Variants in NCAM2 observed in about 807,000 individuals in gnomAD.
The protein encoded by NCAM2 is N-CAM-2.
NCAM2 carries 30 observed loss-of-function variants against 98.1 expected under a neutral mutation model. The ratio of observed to expected loss-of-function variants is 0.31; its 90% CI spans 0.23 to 0.41. The LOEUF (loss-of-function observed/expected upper bound fraction) is 0.41. Among genes scored for constraint, NCAM2 ranks in the 10% least tolerant of loss-of-function variants. NCAM2 has a pLI of 1.00. For synonymous variants in NCAM2, 368 were observed against 342.4 expected (o/e 1.07, Z -0.83); for missense variants, 867 against 1,005.8 (o/e 0.86, Z 1.87).
At chr21:21,114,003 A>G (rs1441791672) in intron 1 of NCAM2, among the ~76,000 whole-genome samples, 1 of 152,164 alleles carries the variant, frequency 6.6e-6, no homozygotes, top group Non-Finnish European at 1.5e-5. Flanking sequence ...ATCAATCATG[A>G]GTCATAATCA....
intron 1 of NCAM2, among the ~76,000 whole-genome samples, chr21:21,012,839 A>C (rs2064235464): frequency 6.6e-6 from 1 of 151,972 alleles, no homozygotes; most frequent in Non-Finnish European, 1.5e-5. Flanking sequence ...CAAACATTTT[A>C]TTATTATTAT....
intron 11 of NCAM2, among the ~76,000 whole-genome samples, chr21:21,429,575 A>G (rs1418430110): frequency 6.6e-6 from 1 of 152,204 alleles, no homozygotes; most frequent in Non-Finnish European, 1.5e-5. Context: ...TTTCTCCTAT[A>G]CTTTGGATCA....
At chr21:21,361,733 C>G (rs917138383) in intron 8 of NCAM2, among the ~76,000 whole-genome samples, 7 of 152,124 alleles carry the variant, frequency 4.6e-5, no homozygotes, top group African/African-American at 1.4e-4. Flanking sequence ...TTAAATAAAT[C>G]TTTCAAAGTT....
At chr21:21,285,067 A>G (rs1041816683) in intron 3 of NCAM2, among the ~76,000 whole-genome samples, 1 of 151,828 alleles carries the variant, frequency 6.6e-6, no homozygotes, top group Non-Finnish European at 1.5e-5. Context: ...TGAGCAAATC[A>G]TGTAACCTCT....
intron 1 of NCAM2, among the ~76,000 whole-genome samples, chr21:21,129,849 T>C (rs956497070): frequency 2.6e-5 from 4 of 152,224 alleles, no homozygotes. Flanking sequence ...TTCACGAGGA[T>C]CTGCTTATGC....
chr21:21,268,863 G>C (rs1176987363), intron 1 of NCAM2, among the ~76,000 whole-genome samples: 2 of 152,118 alleles, frequency 1.3e-5, no homozygotes, highest in Non-Finnish European at 2.9e-5. Flanking sequence ...ATCGAAAGTT[G>C]ATTCAGGCTA....
intron 11 of NCAM2, among the ~76,000 whole-genome samples, chr21:21,430,003 T>C (rs960172652): frequency 5.9e-5 from 9 of 152,062 alleles, no homozygotes; most frequent in Non-Finnish European, 1.3e-4. Context: ...CATTTGACTT[T>C]TGACTGCCAT....
intron 9 of NCAM2, among the ~76,000 whole-genome samples, chr21:21,384,885 T>C (rs1178910077): frequency 6.6e-6 from 1 of 152,088 alleles, no homozygotes; most frequent in East Asian, 1.9e-4. Context: ...GATATATGTC[T>C]ACATTTAGTG....
chr21:21,030,019 T>G (rs1568944596), intron 1 of NCAM2, among the ~76,000 whole-genome samples: 1 of 152,218 alleles, frequency 6.6e-6, no homozygotes, highest in Non-Finnish European at 1.5e-5. Flanking sequence ...GTTGAAATCA[T>G]ATTACATTCT....
intron 8 of NCAM2, among the ~76,000 whole-genome samples, chr21:21,367,432 C>G (rs1346295401): frequency 6.6e-6 from 1 of 151,698 alleles, no homozygotes; most frequent in African/African-American, 2.4e-5. Flanking sequence ...TGTATTTTGT[C>G]TTTTACTAAA....
chr21:21,411,788 T>TA lies in NCAM2; in HGVS notation c.1383+1327_1383+1328insA, dbSNP rs1162868329. Among the ~76,000 whole-genome samples, 5 of 152,148 alleles carry TA rather than the reference T, an allele frequency of 3.3e-5. No individual in the cohort carries two copies. The East Asian group carries it at 7.7e-4, about 24-fold the overall frequency. On this transcript the variant is annotated intron_variant, in intron 10 of 17. Transcript: ENST00000400546. ...TGTCCTCATTGATGCCATTTAGACT[T>TA]TAAAAAAATTCGTTTGATAGGAGGA...
chr21:21,439,077 T>C (rs1978836577), intron 12 of NCAM2, among the ~76,000 whole-genome samples: 1 of 151,498 alleles, frequency 6.6e-6, no homozygotes, highest in African/African-American at 2.4e-5. Context: ...CACAACAAGA[T>C]ACTGTCTCTA....
intron 1 of NCAM2, among the ~76,000 whole-genome samples, chr21:21,274,064 CT>C (rs11293108): frequency 1 from 152,002 of 152,002 alleles, 76,001 homozygotes; most frequent in Non-Finnish European, 1. Context: ...ACTTGGGAGG[CT>C]TGAGGCAGGA....
intron 1 of NCAM2, among the ~76,000 whole-genome samples, chr21:21,066,064 AT>A (rs1428380301): frequency 6.6e-6 from 1 of 152,150 alleles, no homozygotes; most frequent in Non-Finnish European, 1.5e-5. Flanking sequence ...CAGTGAATGA[AT>A]TTCAAATTGG....
In NCAM2 at chr21:21,342,752, T is replaced by C. The variant is rs1229310015; in HGVS notation, c.1044+4218T>C. On this transcript the variant is annotated intron_variant, in intron 8 of 17. Coordinates refer to ENST00000400546, the MANE Select transcript of NCAM2 (RefSeq NM_004540.5). ...TGATGGGGAAGGATTCACAATCATA[T>C]TGTAGATAAGTATGTGGGGTGGGAG... 2.0e-5 allele frequency among the ~76,000 whole-genome samples: 3 copies of C among 152,226 alleles called. 1 individual carries two copies. Among genetic ancestry groups the C allele is most frequent in the Non-Finnish European group, 4.4e-5 (3 of 68,042 alleles).
intron 1 of NCAM2, among the ~76,000 whole-genome samples, chr21:21,109,440 C>A (rs986807384): frequency 9.9e-5 from 15 of 152,040 alleles, no homozygotes; most frequent in East Asian, 1.9e-4. Flanking sequence ...CCACCAAAAT[C>A]AAAAATAAAA....
At chr21:21,120,780 G>T (rs147260704) in intron 1 of NCAM2, among the ~76,000 whole-genome samples, 2,174 of 150,098 alleles carry the variant, frequency 0.014, 61 homozygotes, top group African/African-American at 0.051. Flanking sequence ...GTGCAGTGGC[G>T]CAATCTCGGC....
intron 1 of NCAM2, among the ~76,000 whole-genome samples, chr21:21,109,618 A>AT (rs2066416506): frequency 6.6e-6 from 1 of 151,872 alleles, no homozygotes; most frequent in Non-Finnish European, 1.5e-5. Flanking sequence ...TTTTTCTTTC[A>AT]TTTTTTACAT....
intron 8 of NCAM2, among the ~76,000 whole-genome samples, chr21:21,341,869 C>T (rs917410205): frequency 6.6e-6 from 1 of 152,118 alleles, no homozygotes; most frequent in African/African-American, 2.4e-5. Flanking sequence ...ATGAGACTTA[C>T]AGCCCTCCCC....
Sources: gnomAD v4.1 joint callset for allele counts (sites outside exome capture counted in the v4.1 genomes callset) on GRCh38, gnomAD v4.1.1 for gene constraint, MANE v1.5 for transcripts, NCBI Gene and HGNC (gene_info 2026-07-23, HGNC 2026-07-21) for gene names.